F9: variants seen among roughly 807,000 people sequenced by gnomAD.
F9 encodes Christmas factor.
In F9, 2 loss-of-function variants were observed where a neutral mutation model predicts 34.1. That is an observed-to-expected ratio of 0.06 (90% CI 0.02 to 0.18). F9 has a LOEUF of 0.18. F9 is among the 10% of genes least tolerant of loss of function. The pLI is 1.00. For synonymous variants in F9, 137 were observed against 118.8 expected (o/e 1.15, Z -1.00); for missense variants, 216 against 345.1 (o/e 0.63, Z 2.96).
At chrX:139,557,540 G>A (rs968852781) in intron 6 of F9, among the ~76,000 whole-genome samples, 3 of 111,899 alleles carry the variant, frequency 2.7e-5, no homozygotes, top group African/African-American at 9.8e-5. Context: ...CTGCCCAGGG[G>A]CTGTGGATGT....
chrX:139,559,276 C>T (rs1464677501), intron 6 of F9, among the ~76,000 whole-genome samples: 2 of 112,292 alleles, frequency 1.8e-5, no homozygotes, highest in Non-Finnish European at 3.8e-5. Flanking sequence ...GGGAAATGGC[C>T]GGGTGCAGTG....
intron 1 of F9, among the ~76,000 whole-genome samples, chrX:139,531,864 A>AT (rs1410160783): frequency 8.9e-6 from 1 of 112,412 alleles, no homozygotes; most frequent in Non-Finnish European, 1.9e-5. Flanking sequence ...TGAAATAACG[A>AT]TAAAAAAAAA....
At chrX:139,545,501 A>C (rs1444485715) in intron 4 of F9, among the ~76,000 whole-genome samples, 1 of 112,090 alleles carries the variant, frequency 8.9e-6, no homozygotes, top group Non-Finnish European at 1.9e-5. Context: ...GATTAAACTA[A>C]TCTATTAATA....
chrX:139,553,831 A>AG (rs1454394209), intron 6 of F9, among the ~76,000 whole-genome samples: 2 of 101,064 alleles, frequency 2.0e-5, no homozygotes, highest in Non-Finnish European at 4.0e-5. Flanking sequence ...AAAAAAAAAA[A>AG]AAGTCCAAGA....
Position 139,563,129 on chromosome X carries a change from A to C in F9, c.*1058A>C, listed in dbSNP as rs1050872041. On this transcript the variant is annotated 3_prime_UTR_variant, in exon 8 of 8. Coordinates refer to ENST00000218099, the MANE Select transcript of F9 (RefSeq NM_000133.4). ...AGAAAGAAGAGAACCGTTCGTTTGC[A>C]ATCTACAGCTAGTAGAGACTTTGAG... 1 of 109,829 alleles carries C rather than the reference A, an allele frequency of 9.1e-6. No homozygotes were observed. The highest frequency in any genetic ancestry group is 1.9e-5 in the Non-Finnish European group (1 of 52,834). 9.1% of individuals were successfully genotyped at this position (109,829 alleles called of 1,213,427 possible). A position where few individuals can be genotyped will look rare whatever the true frequency, so the allele number is the denominator to read the frequency against.
rs1183335133 is a variant in F9 at position 139,561,796 on chromosome X, T to C, written c.1111T>C (p.Tyr371His). Residue 371 changes from tyrosine (Y) to histidine (H), a missense_variant, in exon 8 of 8, where the codon TAC (tyrosine) becomes CAC (histidine). This residue lies in a region of F9 where 177 missense variants were observed against 311.8 expected (regional missense o/e 0.57). Transcript: ENST00000218099. ...HKGRSALVLQYLRVPLVDRAT... is the reference protein window; with the variant it reads ...HKGRSALVLQHLRVPLVDRAT... ...AGGGAGATCAGCTTTAGTTCTTCAG[T>C]ACCTTAGAGTTCCACTTGTTGACCG... is the stretch of plus-strand genomic sequence containing the variant. 2.5e-6 allele frequency: 3 copies of C among 1,210,414 alleles called. No homozygotes were observed. The highest frequency in any genetic ancestry group is 3.4e-6 in the Non-Finnish European group (3 of 895,380).
In F9 at chrX:139,563,222, G is replaced by A. The variant is rs1364364451; in HGVS notation, c.*1151G>A. ...CAAGAAGTTGAAGTTGCCTAGACCA[G>A]AGGACATAAGTATCATGTCTCCTTT... On this transcript the variant is annotated 3_prime_UTR_variant, in exon 8 of 8. Transcript: ENST00000218099. The A allele has an allele frequency of 9.0e-6, 1 of 110,755 alleles. No homozygotes were observed. The highest frequency in any genetic ancestry group is 1.9e-5 in the Non-Finnish European group (1 of 52,999). 9.1% of individuals were successfully genotyped at this position (110,755 alleles called of 1,213,427 possible).
At chrX:139,547,105 G>A (rs1927735151) in intron 4 of F9, among the ~76,000 whole-genome samples, 1 of 111,480 alleles carries the variant, frequency 9.0e-6, no homozygotes, top group African/African-American at 3.3e-5. Flanking sequence ...ACTGACACAA[G>A]GATAGACAAA....
At chrX:139,558,428 T>C (rs1227321271) in intron 6 of F9, among the ~76,000 whole-genome samples, 2 of 113,389 alleles carry the variant, frequency 1.8e-5, no homozygotes, top group Non-Finnish European at 3.7e-5. Flanking sequence ...TAAGGACATG[T>C]GGGTGTTAAA....
intron 6 of F9, among the ~76,000 whole-genome samples, chrX:139,558,487 C>T (rs1928021374): frequency 8.8e-6 from 1 of 113,374 alleles, no homozygotes; most frequent in African/African-American, 3.2e-5. Flanking sequence ...ACTGCCCCAG[C>T]AAATATCCCC....
In F9 at chrX:139,562,337, C is replaced by T. The variant is rs978141145; in HGVS notation, c.*266C>T. 5 of 350,661 alleles carry T rather than the reference C, an allele frequency of 1.4e-5. No individual in the cohort carries two copies. In the East Asian group the frequency reaches 2.6e-4, roughly 18 times the overall value. The allele number at this position is 350,661 out of a possible 1,213,427, so 28.9% of individuals were successfully genotyped here. On this transcript the variant is annotated 3_prime_UTR_variant, in exon 8 of 8. Transcript: ENST00000218099. ...AAATTGTGAAGTTAAATTCTCCACT[C>T]TGTCCATCAGATACTATGGTTCTCC...
chrX:139,561,126 G>A (rs1928091470), intron 7 of F9, among the ~76,000 whole-genome samples: 1 of 111,593 alleles, frequency 9.0e-6, no homozygotes, highest in Non-Finnish European at 1.9e-5. Flanking sequence ...TCAGTGTCAT[G>A]TCACCGATCC....
At chrX:139,540,183 T>C (rs769477215) in intron 3 of F9, among the ~76,000 whole-genome samples, 4 of 111,459 alleles carry the variant, frequency 3.6e-5, no homozygotes, top group Non-Finnish European at 5.6e-5. Context: ...AAAGCTCCTT[T>C]AGAAGTGTGG....
chrX:139,557,986 GCCAGCCCTGGCT>G (rs1201149816), intron 6 of F9, among the ~76,000 whole-genome samples: 1 of 112,339 alleles, frequency 8.9e-6, no homozygotes, highest in East Asian at 2.8e-4. Flanking sequence ...TGGTGCCTTA[GCCAGCCCTGGCT>G]CTCCCTCCAA....
chrX:139,552,728 C>T (rs982386008), intron 6 of F9, among the ~76,000 whole-genome samples: 1 of 112,370 alleles, frequency 8.9e-6, no homozygotes, highest in Admixed American at 9.4e-5. Context: ...TTGGATAGCA[C>T]TTATAATAGT....
chrX:139,541,961 A>G (rs1443830116), intron 4 of F9, among the ~76,000 whole-genome samples: 1 of 111,774 alleles, frequency 8.9e-6, no homozygotes, highest in Non-Finnish European at 1.9e-5. Context: ...TGTGATTGAG[A>G]AACGCACACA....
intron 1 of F9, among the ~76,000 whole-genome samples, chrX:139,534,203 G>A (rs1055917711): frequency 1.8e-5 from 2 of 111,572 alleles, no homozygotes; most frequent in East Asian, 2.8e-4. Flanking sequence ...GAAGAAAGTA[G>A]GGCCAACATG....
At chrX:139,538,067 C>G (rs1927524871) in intron 3 of F9, among the ~76,000 whole-genome samples, 1 of 111,728 alleles carries the variant, frequency 9.0e-6, no homozygotes, top group South Asian at 3.8e-4. Flanking sequence ...CTCTAGACAC[C>G]TGTACAGAAC....
In F9 at chrX:139,551,034, G is replaced by A. The variant is rs1927828914; in HGVS notation, c.521-28G>A. On this transcript the variant is annotated intron_variant, in intron 5 of 7. Transcript: ENST00000218099. ...TCCATTTGCCAATGAGAAATATCAG[G>A]TTACTAATTTTTCTTCTATTTTTCT... 2.6e-6 allele frequency: 3 copies of A among 1,164,584 alleles called. No homozygotes were observed. The South Asian group carries it at 5.4e-5, about 21-fold the overall frequency.
Sources: gnomAD v4.1 joint callset for allele counts (sites outside exome capture counted in the v4.1 genomes callset) on GRCh38, gnomAD v4.1.1 for gene constraint, gnomAD v4.1.1 regional missense constraint, MANE v1.5 for transcripts, NCBI Gene and HGNC (gene_info 2026-07-23, HGNC 2026-07-21) for gene names.